Variants in KNL1 observed in about 807,000 individuals in gnomAD.
KNL1 encodes the protein kinetochore scaffold 1, also known as outer kinetochore KNL1 complex subunit KNL1.
In KNL1, 66 loss-of-function variants were observed where a neutral mutation model predicts 201.3. That is an observed-to-expected ratio of 0.33 (90% CI 0.27 to 0.40). KNL1 has a LOEUF of 0.40. Ranked by LOEUF, KNL1 falls within the 10% of genes least tolerant of loss-of-function variation. The pLI, the probability that KNL1 is intolerant of heterozygous loss-of-function variation, is 1.00. For missense variants in KNL1, 2,815 were observed against 2,690.5 expected (o/e 1.05, Z -1.02); for synonymous variants, 895 against 899.2 (o/e 1.00, Z 0.08).
At chr15:40,657,198 CA>C (rs762360343) in intron 23 of KNL1, 47 bp downstream of exon 23, 7 of 1,234,976 alleles carry the variant, frequency 5.7e-6, no homozygotes, top group Admixed American at 4.0e-5. Context: ...GATATCTTTC[CA>C]AAAAAAGCAG....
intron 17 of KNL1, among the ~76,000 whole-genome samples, chr15:40,647,341 G>A (rs1319633933): frequency 6.6e-6 from 1 of 152,078 alleles, no homozygotes. Context: ...TGGGCGTGGT[G>A]ACGGGCGCCT....
chr15:40,620,645 A>G lies in KNL1; in HGVS notation c.381A>G (p.Ser127=). ...ATATTTTGCTTTCATTATAGTTTTC[A>G]ATTATAGAACATACCCGTGAAAGGA... ...IHTQMQQKEF[S]IIEHTRERKH... Residue 127 remains serine, a synonymous_variant, in exon 10 of 26, where the codon TCA becomes TCG. Coordinates refer to ENST00000399668, the MANE Select transcript of KNL1 (RefSeq NM_144508.5). The G allele has an allele frequency of 6.4e-7, 1 of 1,550,850 alleles. No homozygotes were observed.
In KNL1 at chr15:40,606,433, G is replaced by A; in HGVS notation, c.116G>A (p.Gly39Asp). The change falls in exon 4 of 26, where the codon GGT (glycine) becomes GAT (aspartate). Residue 39 changes from glycine (G) to aspartate (D), a missense_variant. Coordinates refer to ENST00000399668, the MANE Select transcript of KNL1 (RefSeq NM_144508.5). ...AGGAGTCCTCTTCAGGACCTCAGAG[G>A]TGGGAATGAAAGAGTTCAGGTAAGT... ...PPRSPLQDLRGGNERVQESNA... is the reference protein window; with the variant it reads ...PPRSPLQDLRDGNERVQESNA... 6.3e-7 allele frequency: 1 copy of A among 1,577,404 alleles called. No homozygotes were observed. Among genetic ancestry groups the A allele is most frequent in the Non-Finnish European group, 8.7e-7 (1 of 1,146,930 alleles).
At chr15:40,638,954 G>A (rs968850159) in intron 13 of KNL1, among the ~76,000 whole-genome samples, 2 of 151,384 alleles carry the variant, frequency 1.3e-5, no homozygotes, top group Non-Finnish European at 2.9e-5. Flanking sequence ...TGGGATTACA[G>A]GCATGCGCCA....
At position 40,620,840 on chromosome 15, in the gene KNL1, C is replaced by G; in HGVS notation, c.576C>G (p.Asp192Glu). 1 of 1,597,728 alleles carries G rather than the reference C, an allele frequency of 6.3e-7. No individual in the cohort carries two copies. The highest frequency in any genetic ancestry group is 2.2e-5 in the East Asian group (1 of 44,742). Reference protein sequence around the residue: ...FLANLKLHTEDSRMKKEVNFS... With the variant: ...FLANLKLHTEESRMKKEVNFS... Reference sequence around the variant, plus strand: ...CTAATTTAAAGCTTCACACCGAGGACTCAAGAATGAAAAAAGAAGTAAATT... The same window carrying G: ...CTAATTTAAAGCTTCACACCGAGGAGTCAAGAATGAAAAAAGAAGTAAATT... The change falls in exon 10 of 26, where the codon GAC (aspartate) becomes GAG (glutamate). Residue 192 changes from aspartate (D) to glutamate (E), a missense_variant. By Grantham distance (45) the Asp-to-Glu change is conservative (BLOSUM62 2). Around this residue, in one of 3 missense-constraint regions of KNL1, gnomAD observed 2,464 missense variants for 2,291.7 expected, o/e 1.08. Transcript: ENST00000399668.
intron 7 of KNL1, among the ~76,000 whole-genome samples, chr15:40,611,987 C>G (rs186312495): frequency 1.3e-5 from 2 of 152,148 alleles, no homozygotes; most frequent in African/African-American, 4.8e-5. Flanking sequence ...CGAGACCAGC[C>G]TGGCCAACAT....
In KNL1 at chr15:40,623,141, T is replaced by G. The variant is rs1303191952; in HGVS notation, c.2877T>G (p.Thr959=). The change falls in exon 10 of 26, where the codon ACT becomes ACG. Residue 959 remains threonine, a synonymous_variant. Transcript: ENST00000399668. ...HVELEMTESH[T]VFIDYQEKER... is the part of the protein sequence containing the mutation. ...AACTAGAAATGACAGAGTCCCATACTGTTTTCATTGACTACCAAGAAAAGG... is the reference window on the plus strand; with the variant it reads ...AACTAGAAATGACAGAGTCCCATACGGTTTTCATTGACTACCAAGAAAAGG... The G allele has an allele frequency of 1.2e-6, 2 of 1,613,796 alleles. No homozygotes were observed. Among genetic ancestry groups the G allele is most frequent in the Non-Finnish European group, 1.7e-6 (2 of 1,179,902 alleles).
intron 13 of KNL1, among the ~76,000 whole-genome samples, chr15:40,634,439 C>T (rs1221629481): frequency 6.6e-6 from 1 of 152,190 alleles, no homozygotes; most frequent in Non-Finnish European, 1.5e-5. Flanking sequence ...TAATTGTATA[C>T]TTAAATGGAT....
At chr15:40,648,384 A>G (rs1227981302) in intron 17 of KNL1, among the ~76,000 whole-genome samples, 3 of 152,228 alleles carry the variant, frequency 2.0e-5, no homozygotes, top group Admixed American at 6.5e-5. Context: ...GTGAGGCAAG[A>G]TCACACCACT....
At chr15:40,608,582 C>T (rs1892051506) in intron 4 of KNL1, among the ~76,000 whole-genome samples, 1 of 151,768 alleles carries the variant, frequency 6.6e-6, no homozygotes, top group Non-Finnish European at 1.5e-5. Flanking sequence ...CCCATCCCTA[C>T]TAAAAATACA....
rs769857854 is a variant in KNL1, at chr15:40,652,085, T to C, written c.6395T>C (p.Ile2132Thr). 6.2e-7 allele frequency: 1 copy of C among 1,613,176 alleles called. No homozygotes were observed. Among genetic ancestry groups the C allele is most frequent in the South Asian group, 1.1e-5 (1 of 91,048 alleles). ...TFVYDTIQLT[I>T]TFEESVVGFP... ...GTTTATGACACGATACAACTCACCA[T>C]CACCTTTGAAGAGTCAGTTGGTAAG... Residue 2132 changes from isoleucine (I) to threonine (T), a missense_variant, in exon 21 of 26, where the codon ATC becomes ACC. Physicochemically the swap from Ile to Thr is moderately conservative, Grantham distance 89. Coordinates refer to ENST00000399668, the MANE Select transcript of KNL1 (RefSeq NM_144508.5).
At chr15:40,616,185 G>A (rs879327443) in intron 8 of KNL1, among the ~76,000 whole-genome samples, 4 of 146,726 alleles carry the variant, frequency 2.7e-5, no homozygotes, top group Non-Finnish European at 6.0e-5. Flanking sequence ...GTGCAGTGGT[G>A]CAATCTGGGC....
At chr15:40,627,797 C>T (rs899474097) in intron 10 of KNL1, among the ~76,000 whole-genome samples, 1 of 152,102 alleles carries the variant, frequency 6.6e-6, no homozygotes, top group African/African-American at 2.4e-5. Flanking sequence ...GATAGGTGAA[C>T]ATTTGATAGC....
At position 40,658,335 on chromosome 15, in the gene KNL1, C is replaced by T. The variant is rs576605868; in HGVS notation, c.6713+862C>T. Among the ~76,000 whole-genome samples the T allele has an allele frequency of 2.6e-5, 4 of 151,050 alleles. No individual in the cohort carries two copies. The East Asian group carries it at 7.9e-4, about 30-fold the overall frequency. Reference sequence around the variant, plus strand: ...ACGAGGTCAGGAGTTCAAGACCAGCCTAGGCAAGATGGTGAAACCCTGTCT... The same window carrying T: ...ACGAGGTCAGGAGTTCAAGACCAGCTTAGGCAAGATGGTGAAACCCTGTCT... On this transcript the variant is annotated intron_variant, in intron 24 of 25. Transcript: ENST00000399668.
intron 13 of KNL1, 56 bp from the exon 14 acceptor site, chr15:40,640,856 A>G: frequency 9.9e-7 from 1 of 1,014,226 alleles, no homozygotes; most frequent in South Asian, 1.4e-5. Context: ...GTTAATTCTT[A>G]TATATGGTTT....
intron 13 of KNL1, among the ~76,000 whole-genome samples, chr15:40,631,401 C>A (rs1892908539): frequency 6.6e-6 from 1 of 152,042 alleles, no homozygotes; most frequent in Non-Finnish European, 1.5e-5. Flanking sequence ...GGACATACAG[C>A]AAAAGCTATA....
At chr15:40,639,978 C>G (rs1195512493) in intron 13 of KNL1, among the ~76,000 whole-genome samples, 1 of 152,022 alleles carries the variant, frequency 6.6e-6, no homozygotes, top group Non-Finnish European at 1.5e-5. Context: ...GAGGATGAGG[C>G]AGGAAGATCG....
intron 17 of KNL1, among the ~76,000 whole-genome samples, chr15:40,649,029 G>A (rs1202959983): frequency 6.7e-6 from 1 of 149,260 alleles, no homozygotes; most frequent in East Asian, 2.0e-4. Flanking sequence ...GTAGAGACGG[G>A]GTTTCTCCAT....
intron 1 of KNL1, among the ~76,000 whole-genome samples, chr15:40,594,641 C>T (rs560932009): frequency 6.6e-6 from 1 of 152,344 alleles, no homozygotes; most frequent in East Asian, 1.9e-4. Context: ...CCCCTCCGGC[C>T]ACCCGGCTCG....
Sources: gnomAD v4.1 joint callset for allele counts (sites outside exome capture counted in the v4.1 genomes callset) on GRCh38, gnomAD v4.1.1 for gene constraint, gnomAD v4.1.1 regional missense constraint, MANE v1.5 for transcripts, NCBI Gene and HGNC (gene_info 2026-07-23, HGNC 2026-07-21) for gene names.